The following ARHGAP1 variants were observed in gnomAD, a reference collection of about 807,000 sequenced individuals.
The protein encoded by ARHGAP1 is rho GTPase-activating protein 1.
A neutral mutation model predicts 52.2 loss-of-function variants in ARHGAP1; 23 were observed. The observed-to-expected ratio is 0.44, with a 90% confidence interval of 0.32 to 0.62. The LOEUF (loss-of-function observed/expected upper bound fraction) is 0.62, where lower values mean the gene tolerates loss of function less well. ARHGAP1 is among the 20% of genes least tolerant of loss of function. The pLI, the probability that ARHGAP1 is intolerant of heterozygous loss-of-function variation, is 0.05. For synonymous variants in ARHGAP1, 210 were observed against 228.4 expected (o/e 0.92, Z 0.73); for missense variants, 480 against 560.9 (o/e 0.86, Z 1.46).
intron 3 of ARHGAP1, among the ~76,000 whole-genome samples, chr11:46,694,704 T>C (rs1156857377): frequency 2.6e-5 from 4 of 152,208 alleles, no homozygotes; most frequent in African/African-American, 9.6e-5. Flanking sequence ...CTCTCAGCTT[T>C]GCTTCTGCAG....
At position 46,678,927 on chromosome 11, in the gene ARHGAP1, G is replaced by T; in HGVS notation, c.*110C>A. On this transcript the variant is annotated 3_prime_UTR_variant, in exon 13 of 13. Coordinates refer to ENST00000311956, the MANE Select transcript of ARHGAP1 (RefSeq NM_004308.5). Reference sequence around the variant, plus strand: ...GACAGAGGTGGGGGAGAGCATGCCTGATGGGTGGCTCCAACATCTCTCTCC... The same window carrying T: ...GACAGAGGTGGGGGAGAGCATGCCTTATGGGTGGCTCCAACATCTCTCTCC... The T allele has an allele frequency of 1.6e-6, 2 of 1,261,714 alleles. No individual in the cohort carries two copies. The highest frequency in any genetic ancestry group is 2.2e-6 in the Non-Finnish European group (2 of 912,780). The allele number at this position is 1,261,714 out of a possible 1,614,324, so 78.2% of individuals were successfully genotyped here.
chr11:46,698,081 A>G (rs1298073545), intron 1 of ARHGAP1, among the ~76,000 whole-genome samples: 1 of 152,198 alleles, frequency 6.6e-6, no homozygotes, highest in Non-Finnish European at 1.5e-5. Context: ...CAGCTATCCC[A>G]GAGACATCTT....
At chr11:46,695,452 G>C (rs946643256) in intron 3 of ARHGAP1, 6 of 666,530 alleles carry the variant, frequency 9.0e-6, no homozygotes, top group Middle Eastern at 4.8e-4. Flanking sequence ...AACCCACAAG[G>C]AAGAAATTAG....
At chr11:46,682,222 AG>A in intron 4 of ARHGAP1, 40 bp from the exon 5 acceptor site, 1 of 1,607,170 alleles carries the variant, frequency 6.2e-7, no homozygotes, top group Non-Finnish European at 8.5e-7. Context: ...CCCTGTGCAC[AG>A]GGGCGGCCCC....
At chr11:46,683,529 C>G (rs2064544357) in intron 4 of ARHGAP1, among the ~76,000 whole-genome samples, 3 of 152,170 alleles carry the variant, frequency 2.0e-5, no homozygotes, top group South Asian at 4.1e-4. Flanking sequence ...TCATGACACG[C>G]TATCTACCAG....
intron 3 of ARHGAP1, among the ~76,000 whole-genome samples, chr11:46,690,958 T>G (rs1187693955): frequency 1.3e-5 from 2 of 152,250 alleles, no homozygotes; most frequent in South Asian, 4.1e-4. Flanking sequence ...TGTAGCTCAC[T>G]GCAGCCTTGA....
At chr11:46,694,364 C>G (rs568006140) in intron 3 of ARHGAP1, among the ~76,000 whole-genome samples, 1 of 152,172 alleles carries the variant, frequency 6.6e-6, no homozygotes, top group Non-Finnish European at 1.5e-5. Flanking sequence ...ACCGAGAGCC[C>G]TTCCTGATCC....
intron 3 of ARHGAP1, 119 bp from the exon 4 acceptor site, chr11:46,688,379 C>T (rs1022541886): frequency 2.9e-6 from 3 of 1,017,628 alleles, no homozygotes; most frequent in Non-Finnish European, 4.4e-6. Context: ...GCCAGAGTGC[C>T]CATGCAGACA....
rs549977503 is a variant in ARHGAP1, at chr11:46,692,409, C to T, written c.229+3251G>A. Reference sequence around the variant, plus strand: ...TCTTTCCTTCCAGCCCATGAGTCCCCGCACCTCACATCTGCACCAGCAGCA... The same window carrying T: ...TCTTTCCTTCCAGCCCATGAGTCCCTGCACCTCACATCTGCACCAGCAGCA... On this transcript the variant is annotated intron_variant, in intron 3 of 12. Coordinates refer to ENST00000311956, the MANE Select transcript of ARHGAP1 (RefSeq NM_004308.5). Among the ~76,000 whole-genome samples the T allele has an allele frequency of 1.1e-4, 17 of 152,300 alleles. No homozygotes were observed. In the South Asian group the frequency reaches 1.4e-3, roughly 13 times the overall value.
At position 46,688,253 on chromosome 11, in the gene ARHGAP1, G is replaced by C. The variant is rs1592388542; in HGVS notation, c.237C>G (p.Asp79Glu). ...ACACAATGATCTTCCGCCCATACTT[G>C]TCATCTCCTAGGTGTGGAGAAAGAT... ...RHQIVEVAGD[D>E]KYGRKIIVFS... The change falls in exon 4 of 13, where the codon GAC (aspartate) becomes GAG (glutamate). Residue 79 changes from aspartate (D) to glutamate (E), a missense_variant. By Grantham distance (45) the Asp-to-Glu change is conservative. Transcript: ENST00000311956. 2 of 1,613,636 alleles carry C rather than the reference G, an allele frequency of 1.2e-6. No individual in the cohort carries two copies. Among genetic ancestry groups the C allele is most frequent in the Non-Finnish European group, 8.5e-7 (1 of 1,179,796 alleles).
In ARHGAP1 at chr11:46,680,689, G is replaced by T; in HGVS notation, c.694C>A (p.Pro232Thr). ...TGGTTGGGCAGGGGGGGCCGTGGGGGCATGGGCTTGGGGGCTGTCGCGGGG... is the reference window on the plus strand; with the variant it reads ...TGGTTGGGCAGGGGGGGCCGTGGGGTCATGGGCTTGGGGGCTGTCGCGGGG... ...KSPATAPKPM[P>T]PRPPLPNQQF... The change falls in exon 8 of 13, where the codon CCC becomes ACC. Residue 232 changes from proline to threonine, a missense_variant. By Grantham distance (38) the Pro-to-Thr change is conservative (BLOSUM62 -1). Coordinates refer to ENST00000311956, the MANE Select transcript of ARHGAP1 (RefSeq NM_004308.5). This position sits in a 1 kb window ranked among gnomAD's most constrained non-coding sequence, Gnocchi z 5.9. The T allele has an allele frequency of 6.2e-7, 1 of 1,601,424 alleles. No homozygotes were observed. The highest frequency in any genetic ancestry group is 8.5e-7 in the Non-Finnish European group (1 of 1,173,034).
At chr11:46,688,910 C>T (rs1300253264) in intron 3 of ARHGAP1, among the ~76,000 whole-genome samples, 1 of 151,790 alleles carries the variant, frequency 6.6e-6, no homozygotes, top group African/African-American at 2.4e-5. Context: ...ATGGTGAAAA[C>T]CCATCTCTAC....
At chr11:46,693,440 C>G (rs1454450691) in intron 3 of ARHGAP1, among the ~76,000 whole-genome samples, 1 of 148,686 alleles carries the variant, frequency 6.7e-6, no homozygotes, top group Non-Finnish European at 1.5e-5. Context: ...GGATCTTGCT[C>G]TATCACCCAG....
Position 46,680,236 on chromosome 11 carries a change from C to G in ARHGAP1, c.867G>C (p.Val289=). Residue 289 remains valine, a synonymous_variant, in exon 10 of 13, where the codon GTG becomes GTC. Transcript: ENST00000311956. This position sits in a 1 kb window ranked among gnomAD's most constrained non-coding sequence, Gnocchi z 5.9. ...GIFRRSANTQ[V]VREVQQKYNM... ...TGTACTTCTGCTGCACTTCCCGGAC[C>G]ACTTGGGTGTTGGCCGACCTCCGGA... is the stretch of plus-strand genomic sequence containing the variant. 1.9e-6 allele frequency: 3 copies of G among 1,614,134 alleles called. No homozygotes were observed. The South Asian group carries it at 3.3e-5, about 18-fold the overall frequency.
At chr11:46,686,112 T>C (rs2064566595) in intron 4 of ARHGAP1, among the ~76,000 whole-genome samples, 1 of 151,362 alleles carries the variant, frequency 6.6e-6, no homozygotes. Context: ...GCTGGGATTA[T>C]CTTGAGTAGC....
At chr11:46,689,781 C>T (rs1047201486) in intron 3 of ARHGAP1, among the ~76,000 whole-genome samples, 1 of 152,162 alleles carries the variant, frequency 6.6e-6, no homozygotes, top group African/African-American at 2.4e-5. Flanking sequence ...CGTCACGATC[C>T]ACCTGCCTTG....
At chr11:46,693,291 C>G (rs2064628513) in intron 3 of ARHGAP1, among the ~76,000 whole-genome samples, 1 of 151,676 alleles carries the variant, frequency 6.6e-6, no homozygotes, top group Non-Finnish European at 1.5e-5. Context: ...GCCACCGCAC[C>G]TGGCTGCACT....
At position 46,678,702 on chromosome 11, in the gene ARHGAP1, T is replaced by G. The variant is rs1385546371; in HGVS notation, c.*335A>C. 6.8e-6 allele frequency: 2 copies of G among 294,624 alleles called. No individual in the cohort carries two copies. The highest frequency in any genetic ancestry group is 4.2e-5 in the South Asian group (1 of 23,624). The allele number at this position is 294,624 out of a possible 1,614,324, so 18.3% of individuals were successfully genotyped here. A position where few individuals can be genotyped will look rare whatever the true frequency, so the allele number is the denominator to read the frequency against. ...GCCCAGCCGGCAGTCATTTGATTCA[T>G]CCACACTTGCTAGGGAAACAGAGGC... On this transcript the variant is annotated 3_prime_UTR_variant, in exon 13 of 13. Transcript: ENST00000311956.
intron 4 of ARHGAP1, among the ~76,000 whole-genome samples, chr11:46,685,042 C>T (rs1234674819): frequency 2.1e-5 from 3 of 144,040 alleles, no homozygotes; most frequent in African/African-American, 5.2e-5. Context: ...GAGCCAACAT[C>T]GTGCCACTGC....
Sources: gnomAD v4.1 joint callset for allele counts (sites outside exome capture counted in the v4.1 genomes callset) on GRCh38, gnomAD v4.1.1 for gene constraint, Gnocchi (gnomAD v3.1) non-coding constraint, MANE v1.5 for transcripts, NCBI Gene and HGNC (gene_info 2026-07-23, HGNC 2026-07-21) for gene names.